MPZL1: variants seen among roughly 807,000 people sequenced by gnomAD.
MPZL1 encodes myelin protein zero-like protein 1.
A neutral mutation model predicts 29.3 loss-of-function variants in MPZL1; 16 were observed. That is an observed-to-expected ratio of 0.55 (90% CI 0.37 to 0.83). The LOEUF is 0.83. Ranked by LOEUF, MPZL1 falls within the 40% of genes least tolerant of loss-of-function variation. MPZL1 has a pLI of 0.00. For missense variants in MPZL1, 279 were observed against 332.9 expected (o/e 0.84, Z 1.26); for synonymous variants, 143 against 132.0 (o/e 1.08, Z -0.57).
chr1:167,758,154 CAAAA>C (rs773312752), intron 1 of MPZL1, among the ~76,000 whole-genome samples: 6 of 103,364 alleles, frequency 5.8e-5, no homozygotes, highest in Admixed American at 1.0e-4. Flanking sequence ...ATTCTTGTCT[CAAAA>C]AAAAAAAAAA....
At chr1:167,733,912 A>AG (rs908778941) in intron 1 of MPZL1, among the ~76,000 whole-genome samples, 1 of 151,932 alleles carries the variant, frequency 6.6e-6, no homozygotes, top group Non-Finnish European at 1.5e-5. Flanking sequence ...AAAAAAAAAA[A>AG]AAGATATGTC....
chr1:167,774,626 G>A (rs138632527), intron 4 of MPZL1: 1 of 152,168 alleles, frequency 6.6e-6, no homozygotes, highest in Non-Finnish European at 1.5e-5. Flanking sequence ...CTTGCTTCGG[G>A]GTTAATGAGG....
chr1:167,742,567 A>G (rs2101759703), intron 1 of MPZL1, among the ~76,000 whole-genome samples: 1 of 152,102 alleles, frequency 6.6e-6, no homozygotes, highest in East Asian at 1.9e-4. Flanking sequence ...GATTGTGAAG[A>G]TTTTCTCTCA....
Position 167,722,083 on chromosome 1 carries a change from G to T in MPZL1, c.-69G>T. 8.1e-7 allele frequency: 1 copy of T among 1,230,810 alleles called. No individual in the cohort carries two copies. Among genetic ancestry groups the T allele is most frequent in the Non-Finnish European group, 1.0e-6 (1 of 986,966 alleles). The allele number at this position is 1,230,810 out of a possible 1,614,324, so 76.2% of individuals were successfully genotyped here. On this transcript the variant is annotated 5_prime_UTR_variant, in exon 1 of 6. Transcript: ENST00000359523. ...AGATCAGAAGCCTCTTCCCCAAGCC[G>T]AGCCAACCTCAGCGGGGACCCGGGC...
chr1:167,723,070 A>G (rs920291804), intron 1 of MPZL1, among the ~76,000 whole-genome samples: 11 of 152,220 alleles, frequency 7.2e-5, no homozygotes, highest in African/African-American at 2.4e-4. Flanking sequence ...GACTTGTTTT[A>G]TGGACATCTG....
intron 1 of MPZL1, among the ~76,000 whole-genome samples, chr1:167,725,731 C>T (rs1210134750): frequency 6.6e-5 from 10 of 152,176 alleles, no homozygotes; most frequent in African/African-American, 1.7e-4. Context: ...GTGATCCACC[C>T]GCCTTGGCCT....
At chr1:167,751,586 G>A (rs961326541) in intron 1 of MPZL1, among the ~76,000 whole-genome samples, 3 of 150,934 alleles carry the variant, frequency 2.0e-5, no homozygotes, top group Non-Finnish European at 2.9e-5. Flanking sequence ...CAGGAGAATC[G>A]CTTGAACCTA....
In MPZL1 at chr1:167,722,558, C is replaced by T. The variant is rs556100679; in HGVS notation, c.91+316C>T. ...GACCCGGCGGGCGGCTGCGGTGAGC[C>T]CTCGCGGCGCACCCTGCCCTCTCCT... On this transcript the variant is annotated intron_variant, in intron 1 of 5. Transcript: ENST00000359523. Among the ~76,000 whole-genome samples the T allele has an allele frequency of 1.1e-4, 16 of 152,290 alleles. No homozygotes were observed. The East Asian group carries it at 2.9e-3, about 28-fold the overall frequency.
chr1:167,739,282 C>CATATATACATATATACATATAT (rs1387652331), intron 1 of MPZL1, among the ~76,000 whole-genome samples: 1 of 90,440 alleles, frequency 1.1e-5, no homozygotes, highest in African/African-American at 6.3e-5. Context: ...TACATATATA[C>CATATATACATATATACATATAT]ATATATATAT....
At chr1:167,769,653 A>G (rs949959419) in intron 2 of MPZL1, among the ~76,000 whole-genome samples, 3 of 152,232 alleles carry the variant, frequency 2.0e-5, no homozygotes, top group Admixed American at 2.0e-4. Flanking sequence ...GCTTGTAAGT[A>G]GGGTAAAATC....
At chr1:167,745,530 TTGCC>T (rs1283031161) in intron 1 of MPZL1, among the ~76,000 whole-genome samples, 1 of 152,116 alleles carries the variant, frequency 6.6e-6, no homozygotes, top group Non-Finnish European at 1.5e-5. Context: ...TGGGTATTGA[TTGCC>T]TGGGTCACTA....
intron 5 of MPZL1, among the ~76,000 whole-genome samples, chr1:167,778,474 A>G (rs1373648066): frequency 6.6e-6 from 1 of 152,064 alleles, no homozygotes; most frequent in African/African-American, 2.4e-5. Flanking sequence ...CCTGGGCAAT[A>G]TAGTGAGACC....
chr1:167,747,716 A>G (rs1010048727), intron 1 of MPZL1, among the ~76,000 whole-genome samples: 1 of 151,946 alleles, frequency 6.6e-6, no homozygotes, highest in African/African-American at 2.4e-5. Flanking sequence ...TCTCATACAC[A>G]TGGTTCTACA....
intron 1 of MPZL1, among the ~76,000 whole-genome samples, chr1:167,728,535 G>T (rs1009581627): frequency 6.6e-6 from 1 of 151,810 alleles, no homozygotes; most frequent in African/African-American, 2.4e-5. Context: ...AATGCATGTG[G>T]CTACTGTAAT....
Position 167,772,401 on chromosome 1 carries a change from C to G in MPZL1, c.385C>G (p.His129Asp), listed in dbSNP as rs1661272027. Residue 129 changes from histidine to aspartate, a missense_variant, in exon 3 of 6, where the codon CAC becomes GAC. Transcript: ENST00000359523. ...SINIENMQFI[H>D]NGTYICDVKN... The stretch of plus-strand genomic sequence containing the variant: ...CAACATAGAAAATATGCAGTTTATA[C>G]ACAATGGCACCTATATCTGTGATGT... The G allele has an allele frequency of 6.2e-7, 1 of 1,614,082 alleles. No individual in the cohort carries two copies. Among genetic ancestry groups the G allele is most frequent in the Non-Finnish European group, 8.5e-7 (1 of 1,179,940 alleles).
chr1:167,740,688 A>T (rs1461959909), intron 1 of MPZL1, among the ~76,000 whole-genome samples: 2 of 152,198 alleles, frequency 1.3e-5, no homozygotes, highest in African/African-American at 4.8e-5. Flanking sequence ...GGTAACTTCC[A>T]AAATTTATAT....
rs6662103 is a variant in MPZL1, at chr1:167,744,393, C to A, written c.92-21190C>A. Among the ~76,000 whole-genome samples, 1,088 of 151,826 alleles carry A rather than the reference C, an allele frequency of 7.2e-3. 19 individuals are homozygous for A. The highest frequency in any genetic ancestry group is 0.025 in the African/African-American group (1,046 of 41,470). On this transcript the variant is annotated intron_variant, in intron 1 of 5. Coordinates refer to ENST00000359523, the MANE Select transcript of MPZL1 (RefSeq NM_003953.6). ...CCAGAGTCTAAGTGTTCTTTAAAAA[C>A]CAAAAAAAGGCCGGGCACAGTGGCT... is the stretch of plus-strand genomic sequence containing the variant.
At chr1:167,765,422 G>A in intron 1 of MPZL1, 161 bp from the exon 2 acceptor site, 1 of 512,098 alleles carries the variant, frequency 2.0e-6, no homozygotes, top group Non-Finnish European at 3.4e-6. Context: ...GTGCTATTCT[G>A]ATTGAACTTA....
intron 2 of MPZL1, among the ~76,000 whole-genome samples, chr1:167,769,395 C>A (rs1360063516): frequency 1.3e-5 from 2 of 152,094 alleles, no homozygotes; most frequent in African/African-American, 2.4e-5. Context: ...TGTCTTCTGC[C>A]CCTTGTAAGA....
Sources: gnomAD v4.1 joint callset for allele counts (sites outside exome capture counted in the v4.1 genomes callset) on GRCh38, gnomAD v4.1.1 for gene constraint, MANE v1.5 for transcripts, NCBI Gene and HGNC (gene_info 2026-07-23, HGNC 2026-07-21) for gene names.